Variants in ENTREP3 observed in about 807,000 individuals in gnomAD.
ENTREP3 encodes endosomal transmembrane epsin interactor 3.
chr1:155,249,608 G>A, the ENTREP3 span, among the ~76,000 whole-genome samples: 2 of 151,678 alleles, frequency 1.3e-5, no homozygotes, highest in Admixed American at 6.6e-5. Flanking sequence ...GCCCGGGCAC[G>A]GTGACTCATG....
chr1:155,251,719 C>T, the ENTREP3 span: 1 of 1,612,710 alleles, frequency 6.2e-7, no homozygotes, highest in African/African-American at 1.3e-5. Flanking sequence ...CAGCAAGACC[C>T]CACCAGGCCT....
At chr1:155,251,801 G>A in the ENTREP3 span, 3 of 1,586,540 alleles carry the variant, frequency 1.9e-6, no homozygotes, top group Non-Finnish European at 2.6e-6. Flanking sequence ...GCACAGGCGG[G>A]ACAAATTCCT....
At chr1:155,254,435 C>T in the ENTREP3 span, 1 of 1,614,214 alleles carries the variant, frequency 6.2e-7, no homozygotes, top group South Asian at 1.1e-5. This position sits in a 1 kb window ranked among gnomAD's most constrained non-coding sequence, Gnocchi z 4.4. Flanking sequence ...GACACAATGC[C>T]AACCACCCCG....
chr1:155,249,383 GC>G, the ENTREP3 span, among the ~76,000 whole-genome samples: 1 of 152,070 alleles, frequency 6.6e-6, no homozygotes, highest in Non-Finnish European at 1.5e-5. Context: ...AAGCCACCGT[GC>G]CCGGCCTGAA....
chr1:155,251,655 G>T, the ENTREP3 span: 1 of 1,603,940 alleles, frequency 6.2e-7, no homozygotes, highest in East Asian at 2.2e-5. Flanking sequence ...CCTCCACAAA[G>T]ATCCCTCTCT....
At chr1:155,248,480 A>C in the ENTREP3 span, 2 of 1,612,980 alleles carry the variant, frequency 1.2e-6, no homozygotes, top group Non-Finnish European at 1.7e-6. Context: ...TCAGCTGGGG[A>C]GAAGAGAGAA....
chr1:155,253,889 G>A, the ENTREP3 span: 1 of 1,612,764 alleles, frequency 6.2e-7, no homozygotes, highest in Non-Finnish European at 8.5e-7. Context: ...CATCACAGGT[G>A]GAGTTAGGGG....
the ENTREP3 span, chr1:155,254,930 C>T: frequency 7.0e-7 from 1 of 1,433,182 alleles, no homozygotes; most frequent in Non-Finnish European, 9.5e-7. The surrounding 1 kb of genome is among the most constrained non-coding windows in gnomAD (Gnocchi z 4.4). Context: ...CACTTGGGAG[C>T]ATCTCAGAGG....
At chr1:155,251,630 G>A in the ENTREP3 span, 2 of 1,607,764 alleles carry the variant, frequency 1.2e-6, no homozygotes, top group Admixed American at 1.7e-5. Flanking sequence ...GGTCAATGTA[G>A]GAGAAATAAT....
the ENTREP3 span, chr1:155,247,668 G>A: frequency 8.2e-6 from 8 of 981,530 alleles, no homozygotes; most frequent in Middle Eastern, 2.6e-4. Flanking sequence ...CACTTTGGGG[G>A]GTATACAGCA....
the ENTREP3 span, chr1:155,250,330 G>C: frequency 6.5e-7 from 1 of 1,547,848 alleles, no homozygotes; most frequent in South Asian, 1.2e-5. The surrounding 1 kb of genome is among the most constrained non-coding windows in gnomAD (Gnocchi z 5.4). Context: ...GGCAGCAGCA[G>C]CGGTGGTGGG....
the ENTREP3 span, chr1:155,254,855 G>A: frequency 1.3e-6 from 2 of 1,579,626 alleles, no homozygotes; most frequent in Non-Finnish European, 1.7e-6. The surrounding 1 kb of genome is among the most constrained non-coding windows in gnomAD (Gnocchi z 4.4). Context: ...CGAGCGGCTG[G>A]AGTCACTAGG....
At chr1:155,251,296 G>A in the ENTREP3 span, 19 of 797,358 alleles carry the variant, frequency 2.4e-5, no homozygotes, top group Non-Finnish European at 3.8e-5. Flanking sequence ...TGCAGCCTCA[G>A]CTTCCACGTC....
At chr1:155,250,050 A>C in the ENTREP3 span, among the ~76,000 whole-genome samples, 1 of 150,352 alleles carries the variant, frequency 6.7e-6, no homozygotes, top group Non-Finnish European at 1.5e-5. The surrounding 1 kb of genome is among the most constrained non-coding windows in gnomAD (Gnocchi z 5.4). Context: ...AGAGCCAGAG[A>C]CTCCGTCTCA....
chr1:155,253,081 G>T, the ENTREP3 span: 1 of 152,074 alleles, frequency 6.6e-6, no homozygotes, highest in Non-Finnish European at 1.5e-5. Context: ...CTAATTTTTT[G>T]TATGTTTAGT....
At chr1:155,247,401 A>G in the ENTREP3 span, 1 of 514,418 alleles carries the variant, frequency 1.9e-6, no homozygotes, top group South Asian at 1.5e-5. Context: ...CTGCCTTACC[A>G]CCCCATTGCA....
At chr1:155,253,976 T>C in the ENTREP3 span, 1 of 1,612,784 alleles carries the variant, frequency 6.2e-7, no homozygotes, top group Non-Finnish European at 8.5e-7. Flanking sequence ...AGACCTTTCC[T>C]TCCTGAGTGG....
the ENTREP3 span, chr1:155,253,804 C>A: frequency 6.2e-7 from 1 of 1,611,232 alleles, no homozygotes; most frequent in Non-Finnish European, 8.5e-7. Context: ...GTGAGTACCC[C>A]AGCAGGGGAG....
At chr1:155,251,732 C>T in the ENTREP3 span, 2 of 1,612,630 alleles carry the variant, frequency 1.2e-6, no homozygotes, top group African/African-American at 1.3e-5. Flanking sequence ...CCAGGCCTTA[C>T]CTCTGTGCAT....
Sources: allele counts gnomAD v4.1 joint callset (sites outside exome capture counted in the v4.1 genomes callset), GRCh38; gene constraint gnomAD v4.1.1; non-coding constraint Gnocchi (gnomAD v3.1); transcripts MANE v1.5; gene names NCBI Gene and HGNC (gene_info 2026-07-23, HGNC 2026-07-21).